The following KYNU variants were observed in gnomAD, a reference collection of about 807,000 sequenced individuals.
The protein encoded by KYNU is L-kynurenine hydrolase.
In KYNU, 54 loss-of-function variants were observed where a neutral mutation model predicts 59.2. The ratio of observed to expected loss-of-function variants is 0.91; its 90% CI spans 0.73 to 1.14. The LOEUF is 1.14. Among genes scored for constraint, KYNU ranks in the 50% most tolerant of loss-of-function variants. The pLI is 0.00. For missense variants in KYNU, 567 were observed against 554.4 expected, an observed-to-expected ratio of 1.02 and a Z score of -0.23; for synonymous variants, 177 against 192.0, an observed-to-expected ratio of 0.92 and a Z score of 0.65.
chr2:143,007,258 A>G (rs1685939218), intron 10 of KYNU, among the ~76,000 whole-genome samples: 1 of 149,786 alleles, frequency 6.7e-6, no homozygotes, highest in East Asian at 1.9e-4. Context: ...TACATGAAGA[A>G]TGCAGAAGCC....
chr2:142,984,474 ATTGT>A (rs1235260733), intron 8 of KYNU, among the ~76,000 whole-genome samples: 1 of 152,026 alleles, frequency 6.6e-6, no homozygotes, highest in African/African-American at 2.4e-5. Flanking sequence ...GTGAATCGTC[ATTGT>A]TTGTCAGTTG....
At chr2:142,934,751 C>T (rs1558930176) in intron 4 of KYNU, among the ~76,000 whole-genome samples, 1 of 152,242 alleles carries the variant, frequency 6.6e-6, no homozygotes, top group South Asian at 2.1e-4. Context: ...CGTCACTCTT[C>T]AGTGGCAAGG....
chr2:142,911,623 C>T (rs1366901521), intron 2 of KYNU, among the ~76,000 whole-genome samples: 1 of 151,948 alleles, frequency 6.6e-6, no homozygotes, highest in Admixed American at 6.6e-5. Context: ...TGATTTGTTC[C>T]AGTTCTTAAG....
chr2:142,966,645 TC>T lies in KYNU; in HGVS notation c.729+5876del, dbSNP rs1420019427. On this transcript the variant is annotated intron_variant, in intron 8 of 13. Coordinates refer to ENST00000264170, the MANE Select transcript of KYNU (RefSeq NM_003937.3). ...AGACACAGTCAGACCTGGACTTGAC[TC>T]TAGGTCTCTACATTACTTTTCAGCA... Among the ~76,000 whole-genome samples, 11 of 151,996 alleles carry T rather than the reference TC, an allele frequency of 7.2e-5. 1 individual carries two copies. In the South Asian group the frequency reaches 2.3e-3, roughly 32 times the overall value.
chr2:142,976,136 A>G (rs763931503), intron 8 of KYNU, among the ~76,000 whole-genome samples: 1 of 152,200 alleles, frequency 6.6e-6, no homozygotes, highest in African/African-American at 2.4e-5. Context: ...CTGTCTGCAG[A>G]GAGGCAAGGG....
chr2:142,953,527 T>A (rs1034186280), intron 4 of KYNU, among the ~76,000 whole-genome samples: 8 of 152,214 alleles, frequency 5.3e-5, no homozygotes, highest in African/African-American at 1.9e-4. Context: ...AATCTTCTCT[T>A]TGAAACATGG....
chr2:142,956,045 C>T (rs1338861555), intron 5 of KYNU, among the ~76,000 whole-genome samples, 158 bp from the exon 6 acceptor site: 1 of 152,086 alleles, frequency 6.6e-6, no homozygotes, highest in Non-Finnish European at 1.5e-5. Context: ...TCACTGGAAA[C>T]ATGGCTAATT....
intron 3 of KYNU, among the ~76,000 whole-genome samples, chr2:142,926,033 G>A (rs1205682225): frequency 2.0e-5 from 3 of 152,108 alleles, no homozygotes; most frequent in Non-Finnish European, 4.4e-5. Flanking sequence ...CACAGGAACA[G>A]AAAACCAAGC....
chr2:142,916,107 A>G (rs1682660852), intron 2 of KYNU, among the ~76,000 whole-genome samples: 1 of 152,166 alleles, frequency 6.6e-6, no homozygotes, highest in Non-Finnish European at 1.5e-5. Context: ...CAGAGCCTGC[A>G]AAATTGTAAG....
chr2:142,942,422 A>G (rs1376515482), intron 4 of KYNU, among the ~76,000 whole-genome samples: 2 of 152,244 alleles, frequency 1.3e-5, no homozygotes, highest in Non-Finnish European at 2.9e-5. Context: ...GTTTTGTATT[A>G]CAATTTATCT....
At chr2:142,939,293 T>C (rs1683499970) in intron 4 of KYNU, among the ~76,000 whole-genome samples, 1 of 152,168 alleles carries the variant, frequency 6.6e-6, no homozygotes, top group South Asian at 2.1e-4. Flanking sequence ...GATCAGAATA[T>C]CAACTTCTAG....
At chr2:143,015,029 G>T (rs961138749) in intron 10 of KYNU, among the ~76,000 whole-genome samples, 1 of 152,124 alleles carries the variant, frequency 6.6e-6, no homozygotes. Flanking sequence ...AAGTAGGTGG[G>T]ACTAAAGGTG....
rs147425167 is a variant in KYNU at position 142,893,517 on chromosome 2, A to G, written c.169+7981A>G. Among the ~76,000 whole-genome samples the G allele has an allele frequency of 3.4e-4, 52 of 152,348 alleles. No homozygotes were observed. In the East Asian group the frequency reaches 9.8e-3, roughly 29 times the overall value. ...TTTCTAGATGTCATTGAAGGAGTAA[A>G]GTATCGGAAATGAGATTTTTAGGCT... is the stretch of plus-strand genomic sequence containing the variant. On this transcript the variant is annotated intron_variant, in intron 2 of 13. Transcript: ENST00000264170.
At chr2:142,988,927 T>C (rs1361249391) in intron 10 of KYNU, 5 of 1,541,898 alleles carry the variant, frequency 3.2e-6, no homozygotes, top group Non-Finnish European at 4.5e-6. Flanking sequence ...CATCACTTCA[T>C]TGTCCCTGAT....
chr2:142,906,186 A>T, intron 2 of KYNU, among the ~76,000 whole-genome samples: 1 of 152,154 alleles, frequency 6.6e-6, no homozygotes, highest in East Asian at 1.9e-4. Flanking sequence ...ATTTGCCACT[A>T]TAGGAATATG....
At chr2:142,994,624 A>T (rs1239309931) in intron 10 of KYNU, among the ~76,000 whole-genome samples, 3 of 152,052 alleles carry the variant, frequency 2.0e-5, no homozygotes, top group African/African-American at 7.2e-5. Context: ...AATGATCCCT[A>T]TGAAAATTCA....
At chr2:142,944,576 A>G (rs937257640) in intron 4 of KYNU, among the ~76,000 whole-genome samples, 15 of 152,174 alleles carry the variant, frequency 9.9e-5, no homozygotes, top group Non-Finnish European at 1.9e-4. Context: ...TTGCCCCAAC[A>G]TAACTGGAGC....
chr2:142,931,046 G>T (rs780171963), intron 4 of KYNU, among the ~76,000 whole-genome samples: 5 of 152,212 alleles, frequency 3.3e-5, no homozygotes, highest in Admixed American at 3.3e-4. Context: ...GTTGTACCTG[G>T]ATGGCCTCTT....
chr2:143,005,424 G>A (rs78914454), intron 10 of KYNU, among the ~76,000 whole-genome samples: 7,986 of 152,056 alleles, frequency 0.053, 557 homozygotes, highest in African/African-American at 0.16. Context: ...AGTTTCCAGC[G>A]ACCTAGAGAA....
Sources: allele counts gnomAD v4.1 joint callset (sites outside exome capture counted in the v4.1 genomes callset), GRCh38; gene constraint gnomAD v4.1.1; transcripts MANE v1.5; gene names NCBI Gene and HGNC (gene_info 2026-07-23, HGNC 2026-07-21).